The following LRRC15 variants were observed in gnomAD, a reference collection of about 807,000 sequenced individuals.
The protein encoded by LRRC15 is leucine-rich repeat-containing protein 15.
LRRC15 carries 5 observed loss-of-function variants against 4.3 expected under a neutral mutation model. The observed-to-expected ratio is 1.16, with a 90% CI of 0.61 to 2.44. The LOEUF (loss-of-function observed/expected upper bound fraction) is 2.44, where lower values mean the gene tolerates loss of function less well. Among genes scored for constraint, LRRC15 ranks in the 30% most tolerant of loss-of-function variants. The pLI is 0.01. For synonymous variants in LRRC15, 337 were observed against 323.2 expected (o/e 1.04, Z -0.46); for missense variants, 769 against 747.0 (o/e 1.03, Z -0.34).
rs1371297026 is a variant in LRRC15 at position 194,360,946 on chromosome 3, C to T, written c.98G>A (p.Arg33Lys). 2 of 1,590,164 alleles carry T rather than the reference C, an allele frequency of 1.3e-6. No individual in the cohort carries two copies. Among genetic ancestry groups the T allele is most frequent in the East Asian group, 4.5e-5 (2 of 44,646 alleles). ...CCCGGTGCACTCCACCTGGGAGGCCCTGGAGCAGGTACACTCGCTAGGGCA... is the reference window on the plus strand; with the variant it reads ...CCCGGTGCACTCCACCTGGGAGGCCTTGGAGCAGGTACACTCGCTAGGGCA... Reference protein sequence around the residue: ...HGCPSECTCSRASQVECTGAR... With the variant: ...HGCPSECTCSKASQVECTGAR... The change falls in exon 2 of 2, where the codon AGG becomes AAG. Residue 33 changes from arginine to lysine, a missense_variant. Transcript: ENST00000347624.
chr3:194,369,089 C>T (rs983867263), intron 1 of LRRC15, among the ~76,000 whole-genome samples: 2 of 152,228 alleles, frequency 1.3e-5, no homozygotes, highest in Admixed American at 6.5e-5. Flanking sequence ...GGGACCAGCA[C>T]ATCTGCTGAA....
At chr3:194,362,423 G>A (rs1713656372) in intron 1 of LRRC15, among the ~76,000 whole-genome samples, 1 of 152,138 alleles carries the variant, frequency 6.6e-6, no homozygotes. Context: ...CCTCAAGTCA[G>A]GAGGGCTTCA....
In LRRC15 at chr3:194,369,682, C is replaced by T. The variant is rs1713890310; in HGVS notation, c.-25G>A. The stretch of plus-strand genomic sequence containing the variant: ...TTACCAGCAGCTCGGCGCCCGCCCG[C>T]CGTGGACAAGAGGGAGCCTGAGAGG... On this transcript the variant is annotated 5_prime_UTR_variant, in exon 1 of 2. Coordinates refer to ENST00000347624, the MANE Select transcript of LRRC15 (RefSeq NM_130830.5). The T allele has an allele frequency of 1.3e-5, 2 of 152,388 alleles. No homozygotes were observed. The highest frequency in any genetic ancestry group is 4.1e-4 in the South Asian group (2 of 4,828). 9.4% of individuals were successfully genotyped at this position (152,388 alleles called of 1,614,324 possible).
chr3:194,358,936 G>T lies in LRRC15; in HGVS notation c.*362C>A. 4.8e-6 allele frequency: 1 copy of T among 210,010 alleles called. No homozygotes were observed. Among genetic ancestry groups the T allele is most frequent in the South Asian group, 1.2e-4 (1 of 8,532 alleles). 13.0% of individuals were successfully genotyped at this position (210,010 alleles called of 1,614,324 possible). On this transcript the variant is annotated 3_prime_UTR_variant, in exon 2 of 2. Coordinates refer to ENST00000347624, the MANE Select transcript of LRRC15 (RefSeq NM_130830.5). ...ATTCCCACGAAGTGAGCAGGCTGTG[G>T]ACTAACTGAGTCTACAGAGGCCCGG...
At position 194,355,256 on chromosome 3, in the gene LRRC15, A is replaced by G. The variant is rs1713393438; in HGVS notation, c.*4042T>C. 1 of 152,162 alleles carries G rather than the reference A, an allele frequency of 6.6e-6. No individual in the cohort carries two copies. Among genetic ancestry groups the G allele is most frequent in the African/African-American group, 2.4e-5 (1 of 41,434 alleles). The allele number at this position is 152,162 out of a possible 1,614,324, so 9.4% of individuals were successfully genotyped here. ...GCACACACAGCCCATGTATACATGTATATTATTTATTGTTGATTCTGTACA... is the reference window on the plus strand; with the variant it reads ...GCACACACAGCCCATGTATACATGTGTATTATTTATTGTTGATTCTGTACA... On this transcript the variant is annotated 3_prime_UTR_variant, in exon 2 of 2. Transcript: ENST00000347624.
At chr3:194,368,683 G>A (rs1005281356) in intron 1 of LRRC15, among the ~76,000 whole-genome samples, 11 of 152,168 alleles carry the variant, frequency 7.2e-5, no homozygotes, top group East Asian at 1.9e-4. Context: ...TGGCACCTGC[G>A]ACTGGAGCAC....
chr3:194,362,460 G>A (rs1713657902), intron 1 of LRRC15, among the ~76,000 whole-genome samples: 1 of 152,154 alleles, frequency 6.6e-6, no homozygotes, highest in South Asian at 2.1e-4. Context: ...GGCATTCGTA[G>A]TCAAGGAACT....
At chr3:194,365,175 G>C (rs1416225597) in intron 1 of LRRC15, among the ~76,000 whole-genome samples, 1 of 152,158 alleles carries the variant, frequency 6.6e-6, no homozygotes. Context: ...TGGGAAGGGG[G>C]AATAGCCTGG....
rs940247352 is a variant in LRRC15 at position 194,359,661 on chromosome 3, G to T, written c.1383C>A (p.Gly461=). 2 of 1,614,148 alleles carry T rather than the reference G, an allele frequency of 1.2e-6. No individual in the cohort carries two copies. The highest frequency in any genetic ancestry group is 1.7e-6 in the Non-Finnish European group (2 of 1,180,020). ...TGACATTGATGATAATGAGGGACTG[G>T]CCTCGGACATTGGCTGGGCTGAAAC... ...PVCFSPANVR[G]QSLIIINVNV... is the part of the protein sequence containing the mutation. The change falls in exon 2 of 2, where the codon GGC becomes GGA. Residue 461 remains glycine, a synonymous_variant. Coordinates refer to ENST00000347624, the MANE Select transcript of LRRC15 (RefSeq NM_130830.5).
chr3:194,367,431 C>T (rs1026565656), intron 1 of LRRC15, among the ~76,000 whole-genome samples: 9 of 152,246 alleles, frequency 5.9e-5, no homozygotes, highest in Non-Finnish European at 1.0e-4. Flanking sequence ...CTCAGCCTCC[C>T]GAGTAGCTGG....
In LRRC15 at chr3:194,368,382, T is replaced by C. The variant is rs577288738; in HGVS notation, c.-4+1279A>G. 1.7e-4 allele frequency among the ~76,000 whole-genome samples: 26 copies of C among 152,258 alleles called. No individual in the cohort carries two copies. In the South Asian group the frequency reaches 5.2e-3, roughly 30 times the overall value. On this transcript the variant is annotated intron_variant, in intron 1 of 1. Transcript: ENST00000347624. ...GCCCTGGGAAGAACCTTCCATGACCTGACTGTCTGTCGAATCTATCCAGAA... is the reference window on the plus strand; with the variant it reads ...GCCCTGGGAAGAACCTTCCATGACCCGACTGTCTGTCGAATCTATCCAGAA...
At chr3:194,364,929 G>A (rs1013013922) in intron 1 of LRRC15, among the ~76,000 whole-genome samples, 2 of 152,230 alleles carry the variant, frequency 1.3e-5, no homozygotes, top group African/African-American at 2.4e-5. Context: ...ACAGAACCAG[G>A]ACTGACAGCT....
At position 194,356,099 on chromosome 3, in the gene LRRC15, T is replaced by A. The variant is rs1035374651; in HGVS notation, c.*3199A>T. 2.6e-5 allele frequency: 4 copies of A among 152,084 alleles called. No individual in the cohort carries two copies. Among genetic ancestry groups the A allele is most frequent in the Non-Finnish European group, 5.9e-5 (4 of 68,008 alleles). The allele number at this position is 152,084 out of a possible 1,614,324, so 9.4% of individuals were successfully genotyped here. A position where few individuals can be genotyped will look rare whatever the true frequency, so the allele number is the denominator to read the frequency against. On this transcript the variant is annotated 3_prime_UTR_variant, in exon 2 of 2. Transcript: ENST00000347624. Reference sequence around the variant, plus strand: ...CTTGTACAAAGTTTGAAGAGATAAATAAAACTCCCAGCCTATTGAACACCA... The same window carrying A: ...CTTGTACAAAGTTTGAAGAGATAAAAAAAACTCCCAGCCTATTGAACACCA...
At chr3:194,361,944 G>C (rs1032705160) in intron 1 of LRRC15, among the ~76,000 whole-genome samples, 1 of 152,244 alleles carries the variant, frequency 6.6e-6, no homozygotes, top group Non-Finnish European at 1.5e-5. Flanking sequence ...AGCCAGCCTT[G>C]TGGGTATAAG....
chr3:194,364,739 A>C lies in LRRC15; in HGVS notation c.-3-3693T>G, dbSNP rs1185960211. 3.3e-5 allele frequency among the ~76,000 whole-genome samples: 5 copies of C among 152,358 alleles called. No homozygotes were observed. The East Asian group carries it at 5.8e-4, about 18-fold the overall frequency. On this transcript the variant is annotated intron_variant, in intron 1 of 1. Coordinates refer to ENST00000347624, the MANE Select transcript of LRRC15 (RefSeq NM_130830.5). Reference sequence around the variant, plus strand: ...CACTCAGCATGACAAATATTGCAAGAATTTGCAGATTTTCCTCTGTATAAA... The same window carrying C: ...CACTCAGCATGACAAATATTGCAAGCATTTGCAGATTTTCCTCTGTATAAA...
chr3:194,363,261 T>C lies in LRRC15; in HGVS notation c.-3-2215A>G, dbSNP rs1713686248. 3 of 616,950 alleles carry C rather than the reference T, an allele frequency of 4.9e-6. No individual in the cohort carries two copies. The African/African-American group carries it at 5.7e-5, about 12-fold the overall frequency. 38.2% of individuals were successfully genotyped at this position (616,950 alleles called of 1,614,324 possible). ...GCCAAGACCTTGATTTTTTTACTTG[T>C]TCACAGCCCATGGAAGCCCTGACCT... On this transcript the variant is annotated intron_variant, in intron 1 of 1. Coordinates refer to ENST00000347624, the MANE Select transcript of LRRC15 (RefSeq NM_130830.5).
rs1249750879 is a variant in LRRC15 at position 194,361,045 on chromosome 3, G to T, written c.-2C>A. 2.0e-6 allele frequency: 3 copies of T among 1,503,710 alleles called. No homozygotes were observed. The allele number at this position is 1,503,710 out of a possible 1,614,324, so 93.1% of individuals were successfully genotyped here. A position where few individuals can be genotyped will look rare whatever the true frequency, so the allele number is the denominator to read the frequency against. ...AAGGAGATAATGCTTCAGTGGCATAGCCTGTGCAAGGGGAGAGAGCACACG... is the reference window on the plus strand; with the variant it reads ...AAGGAGATAATGCTTCAGTGGCATATCCTGTGCAAGGGGAGAGAGCACACG... On this transcript the variant is annotated splice_region_variant and 5_prime_UTR_variant, in exon 2 of 2. Coordinates refer to ENST00000347624, the MANE Select transcript of LRRC15 (RefSeq NM_130830.5).
chr3:194,368,923 C>T (rs566614436), intron 1 of LRRC15, among the ~76,000 whole-genome samples: 2 of 152,348 alleles, frequency 1.3e-5, no homozygotes, highest in South Asian at 2.1e-4. Flanking sequence ...CCATCTCCTG[C>T]CCTGACTCCC....
chr3:194,359,597 T>C lies in LRRC15; in HGVS notation c.1447A>G (p.Ser483Gly), dbSNP rs771171682. The C allele has an allele frequency of 4.3e-6, 7 of 1,613,682 alleles. No homozygotes were observed. The Admixed American group carries it at 1.0e-4, about 23-fold the overall frequency. The change falls in exon 2 of 2, where the codon AGT becomes GGT. Residue 483 changes from serine (S) to glycine (G), a missense_variant. Coordinates refer to ENST00000347624, the MANE Select transcript of LRRC15 (RefSeq NM_130830.5). ...GGGTACCATGGTGTTTCTGGGTAAC[T>C]AGGCACCTCGGGGACATGGACGCTT... ...VPSVHVPEVPSYPETPWYPDT... is the reference protein window; with the variant it reads ...VPSVHVPEVPGYPETPWYPDT...
Sources: allele counts gnomAD v4.1 joint callset (sites outside exome capture counted in the v4.1 genomes callset), GRCh38; gene constraint gnomAD v4.1.1; transcripts MANE v1.5; gene names NCBI Gene and HGNC (gene_info 2026-07-23, HGNC 2026-07-21).